Variants in WDR49 observed in about 807,000 individuals in gnomAD.
WDR49 encodes cilia- and flagella-associated protein 337.
Under a neutral mutation model 119.5 loss-of-function variants are expected in WDR49, and 107 were observed. The observed-to-expected ratio is 0.90, with a 90% CI of 0.77 to 1.05. The LOEUF (loss-of-function observed/expected upper bound fraction) is 1.05. Among genes scored for constraint, WDR49 ranks in the 50% least tolerant of loss-of-function variants. WDR49 has a pLI of 0.00. For missense variants in WDR49, 1,240 were observed against 1,220.5 expected, an observed-to-expected ratio of 1.02 and a Z score of -0.24; for synonymous variants, 425 against 418.8, an observed-to-expected ratio of 1.01 and a Z score of -0.18.
chr3:167,531,093 A>T (rs769160004), intron 13 of WDR49, 22 bp downstream of exon 13: 1 of 1,596,994 alleles, frequency 6.3e-7, no homozygotes, highest in African/African-American at 1.4e-5. Flanking sequence ...AACTATATGT[A>T]AAATGTAAAT....
chr3:167,488,145 A>AC (rs1750994114), intron 18 of WDR49, among the ~76,000 whole-genome samples: 1 of 136,196 alleles, frequency 7.3e-6, no homozygotes, highest in Non-Finnish European at 1.6e-5. Context: ...GATACACTCA[A>AC]ACACACACAC....
intron 10 of WDR49, among the ~76,000 whole-genome samples, chr3:167,548,151 G>T (rs1712321822): frequency 6.6e-6 from 1 of 151,944 alleles, no homozygotes; most frequent in South Asian, 2.1e-4. Context: ...TGTTTTAAAT[G>T]GGACAGTTCT....
At chr3:167,565,458 G>GTA (rs781352625) in intron 8 of WDR49, among the ~76,000 whole-genome samples, 28 of 150,894 alleles carry the variant, frequency 1.9e-4, no homozygotes, top group African/African-American at 4.4e-4. Flanking sequence ...GTGTGTGTGT[G>GTA]TATATATATA....
intron 10 of WDR49, 137 bp downstream of exon 10, chr3:167,554,513 T>C: frequency 2.0e-6 from 1 of 487,964 alleles, no homozygotes; most frequent in East Asian, 3.3e-5. Context: ...TTTTATTCAC[T>C]AAGCATTCAG....
chr3:167,492,416 A>G (rs2108200448), intron 18 of WDR49, among the ~76,000 whole-genome samples: 1 of 152,238 alleles, frequency 6.6e-6, no homozygotes, highest in Non-Finnish European at 1.5e-5. Flanking sequence ...TTTACTATCT[A>G]TGTGAACTTA....
intron 17 of WDR49, among the ~76,000 whole-genome samples, chr3:167,501,640 T>G (rs933005345): frequency 6.6e-6 from 1 of 152,174 alleles, no homozygotes; most frequent in Admixed American, 6.5e-5. Flanking sequence ...GTTGAAAAGA[T>G]ATTTGTAGTA....
At chr3:167,486,849 T>C (rs569504857) in intron 18 of WDR49, among the ~76,000 whole-genome samples, 1 of 152,122 alleles carries the variant, frequency 6.6e-6, no homozygotes, top group East Asian at 1.9e-4. Context: ...AAAGAAACTC[T>C]AGGCTTAAAC....
At chr3:167,650,979 A>G (rs1168980099) in intron 2 of WDR49, among the ~76,000 whole-genome samples, 3 of 152,206 alleles carry the variant, frequency 2.0e-5, no homozygotes, top group Non-Finnish European at 4.4e-5. Flanking sequence ...TGACTCCTAG[A>G]TCTGAAACAC....
At chr3:167,524,603 C>T (rs1752569882) in intron 15 of WDR49, among the ~76,000 whole-genome samples, 1 of 152,012 alleles carries the variant, frequency 6.6e-6, no homozygotes, top group African/African-American at 2.4e-5. Flanking sequence ...GAAAGGGGTC[C>T]AATTTCTGTA....
At chr3:167,596,769 T>C (rs1715474975) in intron 7 of WDR49, among the ~76,000 whole-genome samples, 1 of 149,570 alleles carries the variant, frequency 6.7e-6, no homozygotes, top group Non-Finnish European at 1.5e-5. Flanking sequence ...TACCTAATGC[T>C]AGATGATGAG....
At chr3:167,627,807 A>T (rs1406877649) in intron 2 of WDR49, among the ~76,000 whole-genome samples, 1 of 152,066 alleles carries the variant, frequency 6.6e-6, no homozygotes, top group Admixed American at 6.6e-5. Flanking sequence ...AAATTAGTAC[A>T]GGCATATCTC....
intron 15 of WDR49, among the ~76,000 whole-genome samples, chr3:167,526,449 C>A (rs2108237024): frequency 6.6e-6 from 1 of 152,228 alleles, no homozygotes; most frequent in East Asian, 1.9e-4. Context: ...CTTGCCACAG[C>A]CTCTGTCAGC....
Position 167,621,455 on chromosome 3 carries a change from A to G in WDR49, c.783+12T>C. ...AATCCATAGTATTCAATCTTAATCTACCCTCACTTACCTTTCCAGTTATAT... is the reference window on the plus strand; with the variant it reads ...AATCCATAGTATTCAATCTTAATCTGCCCTCACTTACCTTTCCAGTTATAT... On this transcript the variant is annotated intron_variant, in intron 4 of 18. Transcript: ENST00000682715. 1 of 1,514,900 alleles carries G rather than the reference A, an allele frequency of 6.6e-7. No individual in the cohort carries two copies. The highest frequency in any genetic ancestry group is 8.8e-7 in the Non-Finnish European group (1 of 1,135,706). 93.8% of individuals were successfully genotyped at this position (1,514,900 alleles called of 1,614,324 possible).
chr3:167,633,165 C>A (rs185000597), intron 2 of WDR49, among the ~76,000 whole-genome samples: 121 of 150,780 alleles, frequency 8.0e-4, no homozygotes, highest in Middle Eastern at 3.4e-3. Context: ...GTGATCTCTA[C>A]CAGGGTGGCT....
chr3:167,614,300 C>T (rs1233621189), intron 5 of WDR49, among the ~76,000 whole-genome samples: 1 of 152,036 alleles, frequency 6.6e-6, no homozygotes, highest in Non-Finnish European at 1.5e-5. Context: ...GGTTTCACCA[C>T]GTTGGCCAGG....
intron 16 of WDR49, among the ~76,000 whole-genome samples, chr3:167,518,420 G>A (rs1040787262): frequency 2.6e-5 from 4 of 152,110 alleles, no homozygotes; most frequent in Admixed American, 1.3e-4. Context: ...TTTAATGATT[G>A]CCATTCTAAC....
Position 167,576,271 on chromosome 3 carries a change from A to C in WDR49, c.1276-120T>G. The C allele has an allele frequency of 1.0e-5, 8 of 766,008 alleles. No individual in the cohort carries two copies. The South Asian group carries it at 1.5e-4, about 14-fold the overall frequency. The allele number at this position is 766,008 out of a possible 1,614,324, so 47.5% of individuals were successfully genotyped here. On this transcript the variant is annotated intron_variant, in intron 7 of 18. Coordinates refer to ENST00000682715, the MANE Select transcript of WDR49 (RefSeq NM_001366157.1). ...ACAGTTGTTTCCTCCACAGTGCTAT[A>C]ATTGGTTCTCAATTCTGCCATAGCA... is the stretch of plus-strand genomic sequence containing the variant.
chr3:167,506,669 A>G (rs887336581), intron 16 of WDR49, among the ~76,000 whole-genome samples: 2 of 152,316 alleles, frequency 1.3e-5, no homozygotes, highest in African/African-American at 4.8e-5. Context: ...ATTTGTCACA[A>G]TAAAGAAATC....
intron 18 of WDR49, among the ~76,000 whole-genome samples, chr3:167,482,164 G>A (rs1237397740): frequency 6.6e-6 from 1 of 152,112 alleles, no homozygotes; most frequent in Non-Finnish European, 1.5e-5. Context: ...CTAAAAAGGA[G>A]AAAAGTATCT....
Sources: allele counts gnomAD v4.1 joint callset (sites outside exome capture counted in the v4.1 genomes callset), GRCh38; gene constraint gnomAD v4.1.1; transcripts MANE v1.5; gene names NCBI Gene and HGNC (gene_info 2026-07-23, HGNC 2026-07-21).